The following PTPRT variants were observed in gnomAD, a reference collection of about 807,000 sequenced individuals.
PTPRT encodes the protein receptor-type tyrosine-protein phosphatase T.
A neutral mutation model predicts 176.8 loss-of-function variants in PTPRT; 56 were observed. The ratio of observed to expected loss-of-function variants is 0.32; its 90% CI spans 0.26 to 0.40. The LOEUF (loss-of-function observed/expected upper bound fraction) is 0.40, where lower values mean the gene tolerates loss of function less well. Ranked by LOEUF, PTPRT falls within the 10% of genes least tolerant of loss-of-function variation. PTPRT has a pLI of 1.00. For synonymous variants in PTPRT, 783 were observed against 739.0 expected, an observed-to-expected ratio of 1.06 and a Z score of -0.96; for missense variants, 1,540 against 1,908.2, an observed-to-expected ratio of 0.81 and a Z score of 3.60.
the PTPRT span, among the ~76,000 whole-genome samples, chr20:42,041,928 T>C: frequency 6.6e-6 from 1 of 152,298 alleles, no homozygotes; most frequent in African/African-American, 2.4e-5. Context: ...CTAGCTTCAA[T>C]CCCTATTAAA....
chr20:42,579,240 A>T (rs1267935896), intron 7 of PTPRT, among the ~76,000 whole-genome samples: 1 of 152,038 alleles, frequency 6.6e-6, no homozygotes, highest in Admixed American at 6.5e-5. Flanking sequence ...ACATGAACTC[A>T]TCATTTTTTA....
chr20:42,971,925 C>T (rs527964212), intron 1 of PTPRT, among the ~76,000 whole-genome samples: 4 of 152,066 alleles, frequency 2.6e-5, no homozygotes, highest in South Asian at 2.1e-4. Flanking sequence ...AAGGCCTTTG[C>T]CTTTTGGAAG....
intron 7 of PTPRT, among the ~76,000 whole-genome samples, chr20:42,574,221 G>A (rs540402789): frequency 8.5e-5 from 13 of 152,252 alleles, no homozygotes; most frequent in Admixed American, 1.3e-4. Flanking sequence ...TCAAAAACCC[G>A]TGAGTCTGAA....
chr20:42,545,456 A>G (rs2072657860), intron 7 of PTPRT, among the ~76,000 whole-genome samples: 1 of 152,098 alleles, frequency 6.6e-6, no homozygotes, highest in Admixed American at 6.5e-5. Flanking sequence ...CACTCAATGC[A>G]CACCCACTAT....
chr20:43,083,849 T>C (rs1321620833), intron 1 of PTPRT, among the ~76,000 whole-genome samples: 1 of 152,190 alleles, frequency 6.6e-6, no homozygotes, highest in Non-Finnish European at 1.5e-5. Flanking sequence ...TCTGTTTCTA[T>C]GGATTCACCT....
intron 6 of PTPRT, among the ~76,000 whole-genome samples, chr20:42,756,111 G>A (rs538807720): frequency 2.6e-5 from 4 of 152,228 alleles, no homozygotes; most frequent in South Asian, 4.2e-4. Flanking sequence ...ACAATAGTAC[G>A]AGAACACTGC....
intron 9 of PTPRT, among the ~76,000 whole-genome samples, chr20:42,441,452 G>A (rs1043701095): frequency 3.9e-5 from 6 of 152,220 alleles, no homozygotes; most frequent in Non-Finnish European, 7.3e-5. Context: ...AAGAGGAGCG[G>A]CAGGTGAAGA....
intron 2 of PTPRT, among the ~76,000 whole-genome samples, chr20:42,860,256 T>A (rs1167497083): frequency 6.6e-6 from 1 of 152,196 alleles, no homozygotes; most frequent in Admixed American, 6.5e-5. Context: ...AAGGACATAC[T>A]TTATTCTGTT....
intron 16 of PTPRT, among the ~76,000 whole-genome samples, chr20:42,163,628 G>A (rs1989703680): frequency 6.6e-6 from 1 of 152,166 alleles, no homozygotes; most frequent in South Asian, 2.1e-4. Flanking sequence ...AGGCTTGACT[G>A]TCTAGCAAGG....
chr20:42,967,933 G>A (rs1982397112), intron 1 of PTPRT, among the ~76,000 whole-genome samples: 1 of 152,078 alleles, frequency 6.6e-6, no homozygotes, highest in Non-Finnish European at 1.5e-5. Flanking sequence ...GGATAAAATC[G>A]AGAATGCGCG....
chr20:42,767,955 T>C (rs1339152942), intron 5 of PTPRT, among the ~76,000 whole-genome samples: 1 of 142,254 alleles, frequency 7.0e-6, no homozygotes, highest in Non-Finnish European at 1.5e-5. Flanking sequence ...CTATATATTA[T>C]ATATGAAAAT....
chr20:42,563,289 G>A (rs2072983281), intron 7 of PTPRT, among the ~76,000 whole-genome samples: 1 of 152,112 alleles, frequency 6.6e-6, no homozygotes, highest in Admixed American at 6.5e-5. Flanking sequence ...AGAAAAAGTT[G>A]CTCAACATAA....
At chr20:42,520,778 G>A (rs1315799807) in intron 7 of PTPRT, among the ~76,000 whole-genome samples, 3 of 150,270 alleles carry the variant, frequency 2.0e-5, no homozygotes, top group Non-Finnish European at 4.4e-5. Context: ...TCCAGGGCTT[G>A]TCAGCAGACA....
At chr20:42,669,243 A>G (rs1012851907) in intron 7 of PTPRT, among the ~76,000 whole-genome samples, 1 of 152,072 alleles carries the variant, frequency 6.6e-6, no homozygotes, top group Non-Finnish European at 1.5e-5. Flanking sequence ...ACTGCCTTCA[A>G]TCTAGGTTCA....
chr20:43,011,259 G>A (rs78542730), intron 1 of PTPRT, among the ~76,000 whole-genome samples: 6 of 152,124 alleles, frequency 3.9e-5, no homozygotes, highest in Non-Finnish European at 7.3e-5. Flanking sequence ...AAATGCCCAC[G>A]CCACAAATGG....
chr20:43,136,918 A>G (rs956084014), intron 1 of PTPRT, among the ~76,000 whole-genome samples: 1 of 152,136 alleles, frequency 6.6e-6, no homozygotes, highest in Non-Finnish European at 1.5e-5. Flanking sequence ...GGCCTTCCCC[A>G]GGGTCCCCAG....
chr20:42,887,082 C>T (rs539335704), intron 1 of PTPRT, among the ~76,000 whole-genome samples: 96 of 152,292 alleles, frequency 6.3e-4, no homozygotes, highest in Non-Finnish European at 1.1e-3. Context: ...ATCACATCAC[C>T]ATCCTCCTCC....
At chr20:42,699,906 T>C (rs988612511) in intron 6 of PTPRT, among the ~76,000 whole-genome samples, 1 of 152,172 alleles carries the variant, frequency 6.6e-6, no homozygotes, top group African/African-American at 2.4e-5. Flanking sequence ...GGGTCATTGC[T>C]AAAAATATAA....
At chr20:42,301,921 T>C (rs1568754518) in intron 12 of PTPRT, among the ~76,000 whole-genome samples, 1 of 152,230 alleles carries the variant, frequency 6.6e-6, no homozygotes, top group Non-Finnish European at 1.5e-5. Context: ...TACAGATCAG[T>C]CTGTTATCAT....
Sources: gnomAD v4.1 joint callset for allele counts (sites outside exome capture counted in the v4.1 genomes callset) on GRCh38, gnomAD v4.1.1 for gene constraint, MANE v1.5 for transcripts, NCBI Gene and HGNC (gene_info 2026-07-23, HGNC 2026-07-21) for gene names.